The following KDM2A variants were observed in gnomAD, a reference collection of about 807,000 sequenced individuals.
The protein encoded by KDM2A is lysine-specific demethylase 2A.
In KDM2A, 3 loss-of-function variants were observed where a neutral mutation model predicts 137.3. The ratio of observed to expected loss-of-function variants is 0.02; its 90% CI spans 0.01 to 0.06. The LOEUF (loss-of-function observed/expected upper bound fraction) is 0.06, where lower values mean the gene tolerates loss of function less well. Ranked by LOEUF, KDM2A falls within the 10% of genes least tolerant of loss-of-function variation. The pLI is 1.00. For missense variants in KDM2A, 738 were observed against 1,510.6 expected (o/e 0.49, Z 8.48); for synonymous variants, 512 against 541.5 (o/e 0.95, Z 0.76).
At chr11:67,159,372 G>T (rs765927629) in intron 2 of KDM2A, among the ~76,000 whole-genome samples, 7 of 152,070 alleles carry the variant, frequency 4.6e-5, no homozygotes, top group Non-Finnish European at 8.8e-5. Context: ...CTCCTTTCTG[G>T]GTTGTCTGTT....
intron 2 of KDM2A, among the ~76,000 whole-genome samples, chr11:67,163,065 C>G (rs931522455): frequency 6.6e-6 from 1 of 152,192 alleles, no homozygotes; most frequent in African/African-American, 2.4e-5. Context: ...TTGTTAGTTA[C>G]TTCTCTTCTC....
intron 5 of KDM2A, among the ~76,000 whole-genome samples, chr11:67,193,980 T>G (rs772990757): frequency 4.6e-5 from 7 of 152,200 alleles, no homozygotes; most frequent in African/African-American, 9.7e-5. Context: ...ATTGCTGAGA[T>G]TATAGGCGTA....
intron 6 of KDM2A, among the ~76,000 whole-genome samples, chr11:67,210,140 G>C (rs1857934764): frequency 6.6e-6 from 1 of 152,176 alleles, no homozygotes; most frequent in Admixed American, 6.5e-5. Flanking sequence ...GCCGAAGGCA[G>C]ACAGATTGCT....
At position 67,217,426 on chromosome 11, in the gene KDM2A, G is replaced by C. The variant is rs1590796118; in HGVS notation, c.688-305G>C. On this transcript the variant is annotated intron_variant, in intron 8 of 20. Transcript: ENST00000529006. ...AACTGTACTACTTAGGACTCTGGAAGCCAGACAGAGTGTTTAAGGGACTGC... is the reference window on the plus strand; with the variant it reads ...AACTGTACTACTTAGGACTCTGGAACCCAGACAGAGTGTTTAAGGGACTGC... The C allele has an allele frequency of 4.4e-5, 15 of 344,038 alleles. No individual in the cohort carries two copies. The East Asian group carries it at 8.7e-4, about 20-fold the overall frequency. 21.3% of individuals were successfully genotyped at this position (344,038 alleles called of 1,614,324 possible). A position where few individuals can be genotyped will look rare whatever the true frequency, so the allele number is the denominator to read the frequency against.
chr11:67,128,009 CTTTTTTT>C (rs56704753), intron 2 of KDM2A, among the ~76,000 whole-genome samples: 2 of 107,884 alleles, frequency 1.9e-5, no homozygotes, highest in Non-Finnish European at 3.8e-5. Flanking sequence ...CACACCCGGC[CTTTTTTT>C]TTTTTTTTTT....
rs199675415 is a variant in KDM2A at position 67,180,101 on chromosome 11, A to G, written c.65A>G (p.Tyr22Cys). 1 of 1,613,904 alleles carries G rather than the reference A, an allele frequency of 6.2e-7. No homozygotes were observed. The highest frequency in any genetic ancestry group is 1.7e-5 in the Admixed American group (1 of 60,022). ...TAGCGTGGTACCATGCGACGACGCT[A>G]TGAAGATGATGGCATTTCAGATGAT... ...QRLRGTMRRR[Y>C]EDDGISDDEI... The change falls in exon 3 of 21, where the codon TAT becomes TGT. Residue 22 changes from tyrosine (Y) to cysteine (C), a missense_variant. Coordinates refer to ENST00000529006, the MANE Select transcript of KDM2A (RefSeq NM_012308.3).
chr11:67,153,885 T>G (rs2136309513), intron 2 of KDM2A, among the ~76,000 whole-genome samples: 1 of 152,268 alleles, frequency 6.6e-6, no homozygotes, highest in East Asian at 1.9e-4. Flanking sequence ...TTTTTTTATT[T>G]TTAATTGTCA....
chr11:67,140,063 A>G (rs1856062272), intron 2 of KDM2A, among the ~76,000 whole-genome samples: 2 of 152,002 alleles, frequency 1.3e-5, no homozygotes, highest in Non-Finnish European at 1.5e-5. Flanking sequence ...ATTGAGAGAG[A>G]ATACCATGGT....
Position 67,245,962 on chromosome 11 carries a change from A to AT in KDM2A, c.1834-21dup. 6.2e-7 allele frequency: 1 copy of AT among 1,613,198 alleles called. No individual in the cohort carries two copies. Among genetic ancestry groups the AT allele is most frequent in the South Asian group, 1.1e-5 (1 of 91,008 alleles). On this transcript the variant is annotated intron_variant, in intron 14 of 20. Coordinates refer to ENST00000529006, the MANE Select transcript of KDM2A (RefSeq NM_012308.3). This position sits in a 1 kb window ranked among gnomAD's most constrained non-coding sequence, Gnocchi z 4.1. ...TAAAGATCTGAGTCAGTTCTCTTGG[A>AT]TTCTATCTTTGTCCTCTTGTAGCCC...
chr11:67,240,811 CGTG>C (rs1344427116), intron 12 of KDM2A, among the ~76,000 whole-genome samples: 3 of 152,028 alleles, frequency 2.0e-5, no homozygotes, highest in African/African-American at 7.3e-5. Context: ...GAAAGCAGGG[CGTG>C]CTTGGTTGAA....
chr11:67,123,462 A>C (rs979903156), intron 2 of KDM2A, among the ~76,000 whole-genome samples: 5 of 151,910 alleles, frequency 3.3e-5, no homozygotes, highest in Admixed American at 6.6e-5. Flanking sequence ...TCTGTAGTAG[A>C]ATATTGTATC....
rs1450874385 is a variant in KDM2A, at chr11:67,256,765, C to A, written c.*1710C>A. On this transcript the variant is annotated 3_prime_UTR_variant, in exon 21 of 21. Coordinates refer to ENST00000529006, the MANE Select transcript of KDM2A (RefSeq NM_012308.3). ...AGGCCAGTTTTGACCCTGGCATTAA[C>A]TGGCCTTAGAAGAAACTGGATCCTG... The A allele has an allele frequency of 6.5e-6, 1 of 152,686 alleles. No individual in the cohort carries two copies. The highest frequency in any genetic ancestry group is 2.4e-5 in the African/African-American group (1 of 41,450). 9.5% of individuals were successfully genotyped at this position (152,686 alleles called of 1,614,324 possible). A position where few individuals can be genotyped will look rare whatever the true frequency, so the allele number is the denominator to read the frequency against.
intron 2 of KDM2A, among the ~76,000 whole-genome samples, chr11:67,155,692 C>G (rs1027021255): frequency 6.6e-6 from 1 of 151,462 alleles, no homozygotes; most frequent in Non-Finnish European, 1.5e-5. Context: ...TCTTGGCTCA[C>G]TGCAACCTCT....
At chr11:67,241,861 G>A (rs1484301868) in intron 12 of KDM2A, among the ~76,000 whole-genome samples, 1 of 152,180 alleles carries the variant, frequency 6.6e-6, no homozygotes, top group Admixed American at 6.5e-5. Context: ...CTGAGGTCAG[G>A]AGTTCGAGAC....
Position 67,173,079 on chromosome 11 carries a change from C to T in KDM2A, c.43-7000C>T, listed in dbSNP as rs146485612. ...TGTAACAGTTCACTGCAGCTTGGAC[C>T]TCTCCAGGCTTAGGAGATCCTCCCA... On this transcript the variant is annotated intron_variant, in intron 2 of 20. Coordinates refer to ENST00000529006, the MANE Select transcript of KDM2A (RefSeq NM_012308.3). Among the ~76,000 whole-genome samples, 293 of 152,180 alleles carry T rather than the reference C, an allele frequency of 1.9e-3. 2 individuals carry two copies. The highest frequency in any genetic ancestry group is 6.4e-3 in the African/African-American group (265 of 41,508).
Position 67,247,000 on chromosome 11 carries a change from C to T in KDM2A, c.1965+884C>T, listed in dbSNP as rs1859237917. Among the ~76,000 whole-genome samples the T allele has an allele frequency of 1.6e-5, 2 of 121,214 alleles. 1 individual carries two copies. Among genetic ancestry groups the T allele is most frequent in the Admixed American group, 1.9e-4 (2 of 10,330 alleles). The allele number at this position is 121,214 out of a possible 152,430, so 79.5% of individuals were successfully genotyped here. A position where few individuals can be genotyped will look rare whatever the true frequency, so the allele number is the denominator to read the frequency against. On this transcript the variant is annotated intron_variant, in intron 15 of 20. Transcript: ENST00000529006. ...TTGCCCAGGCTAGAGTGCAGTGGCACGATTATACATTTATTCATTTAATGT... is the reference window on the plus strand; with the variant it reads ...TTGCCCAGGCTAGAGTGCAGTGGCATGATTATACATTTATTCATTTAATGT...
chr11:67,211,671 CTTTTTTAA>C (rs1404898906), intron 6 of KDM2A, among the ~76,000 whole-genome samples: 3 of 127,844 alleles, frequency 2.3e-5, no homozygotes, highest in African/African-American at 5.7e-5. Flanking sequence ...ATTAGTAGTT[CTTTTTTAA>C]TTTTTTAATA....
chr11:67,245,878 T>G lies in KDM2A; in HGVS notation c.1834-107T>G. On this transcript the variant is annotated intron_variant, in intron 14 of 20. Transcript: ENST00000529006. The surrounding 1 kb of genome is among the most constrained non-coding windows in gnomAD (Gnocchi z 4.1). ...ACCCTGCCTCCATGCTTCCAGGTGT[T>G]TAGTAGAGAATTATAGGACCCAAAT... The G allele has an allele frequency of 7.7e-7, 1 of 1,307,124 alleles. No homozygotes were observed. The highest frequency in any genetic ancestry group is 1.1e-6 in the Non-Finnish European group (1 of 939,270). 81.0% of individuals were successfully genotyped at this position (1,307,124 alleles called of 1,614,324 possible). A position where few individuals can be genotyped will look rare whatever the true frequency, so the allele number is the denominator to read the frequency against.
At position 67,231,639 on chromosome 11, in the gene KDM2A, C is replaced by T; in HGVS notation, c.1158C>T (p.Ser386=). ...TGGATCGAGAACCCCGACGCTTGAG[C>T]AGCAGGCGTTCTGTCCTCACTAGCC... The part of the protein sequence containing the change: ...EAVDREPRRL[S]SRRSVLTSPV... Residue 386 remains serine, a synonymous_variant, in exon 12 of 21, where the codon AGC becomes AGT. Coordinates refer to ENST00000529006, the MANE Select transcript of KDM2A (RefSeq NM_012308.3). 11 of 1,613,126 alleles carry T rather than the reference C, an allele frequency of 6.8e-6. No homozygotes were observed. The highest frequency in any genetic ancestry group is 9.3e-6 in the Non-Finnish European group (11 of 1,179,498).
Sources: allele counts gnomAD v4.1 joint callset (sites outside exome capture counted in the v4.1 genomes callset), GRCh38; gene constraint gnomAD v4.1.1; non-coding constraint Gnocchi (gnomAD v3.1); transcripts MANE v1.5; gene names NCBI Gene and HGNC (gene_info 2026-07-23, HGNC 2026-07-21).